Variants in LMBRD1 observed in about 807,000 individuals in gnomAD.
LMBRD1 encodes LMBR1 domain containing 1.
Under a neutral mutation model 74.8 loss-of-function variants are expected in LMBRD1, and 64 were observed. The ratio of observed to expected loss-of-function variants is 0.86; its 90% CI spans 0.70 to 1.05. The LOEUF (loss-of-function observed/expected upper bound fraction) is 1.05. LMBRD1 is among the 50% of genes least tolerant of loss of function. The pLI, the probability that LMBRD1 is intolerant of heterozygous loss-of-function variation, is 0.00. For missense variants in LMBRD1, 652 were observed against 645.9 expected, an observed-to-expected ratio of 1.01 and a Z score of -0.10; for synonymous variants, 204 against 216.3, an observed-to-expected ratio of 0.94 and a Z score of 0.50.
At chr6:69,719,205 A>ACTCCC (rs1318869856) in intron 7 of LMBRD1, 124 bp from the exon 8 acceptor site, 1 of 832,632 alleles carries the variant, frequency 1.2e-6, no homozygotes, top group Non-Finnish European at 1.9e-6. Flanking sequence ...CAGTCACTGA[A>ACTCCC]AACATGGTAT....
intron 3 of LMBRD1, among the ~76,000 whole-genome samples, chr6:69,770,159 TG>T (rs1378265615): frequency 6.6e-6 from 1 of 152,148 alleles, no homozygotes; most frequent in African/African-American, 2.4e-5. Context: ...TCCGCTCACC[TG>T]ACTCCAAGAT....
At chr6:69,770,804 A>G (rs1022563930) in intron 3 of LMBRD1, among the ~76,000 whole-genome samples, 1 of 152,186 alleles carries the variant, frequency 6.6e-6, no homozygotes, top group African/African-American at 2.4e-5. Flanking sequence ...AATGCATCAG[A>G]ATGTAATTAA....
chr6:69,784,232 G>C (rs1765896995), intron 2 of LMBRD1, among the ~76,000 whole-genome samples: 1 of 152,172 alleles, frequency 6.6e-6, no homozygotes, highest in Admixed American at 6.6e-5. Context: ...AAAAGAATGT[G>C]AGACAATCAA....
At chr6:69,727,743 T>A (rs2149862235) in intron 7 of LMBRD1, among the ~76,000 whole-genome samples, 1 of 152,138 alleles carries the variant, frequency 6.6e-6, no homozygotes, top group African/African-American at 2.4e-5. Flanking sequence ...AAATTATATA[T>A]CCTCAAAACA....
chr6:69,707,851 A>G (rs1376992293), intron 9 of LMBRD1, among the ~76,000 whole-genome samples: 1 of 152,162 alleles, frequency 6.6e-6, no homozygotes, highest in African/African-American at 2.4e-5. Context: ...TAATAAATAC[A>G]TTGTTTCCAT....
At chr6:69,745,752 A>AGCATGGAGTGCT (rs1767211942) in intron 5 of LMBRD1, 1 of 152,292 alleles carries the variant, frequency 6.6e-6, no homozygotes, top group Non-Finnish European at 1.5e-5. Flanking sequence ...CCTCCCAGTT[A>AGCATGGAGTGCT]ATATATTTTA....
chr6:69,700,567 G>A (rs1205948903), intron 12 of LMBRD1, among the ~76,000 whole-genome samples, 198 bp downstream of exon 12: 2 of 151,612 alleles, frequency 1.3e-5, no homozygotes, highest in Non-Finnish European at 3.0e-5. Flanking sequence ...TGTTTCCGGG[G>A]GGCAAAATCA....
intron 7 of LMBRD1, among the ~76,000 whole-genome samples, chr6:69,725,977 A>C (rs1323296245): frequency 6.6e-6 from 1 of 152,202 alleles, no homozygotes; most frequent in Non-Finnish European, 1.5e-5. Flanking sequence ...AATATTTGCA[A>C]ACTACCATAT....
intron 2 of LMBRD1, among the ~76,000 whole-genome samples, chr6:69,785,613 A>T (rs1346694638): frequency 6.6e-6 from 1 of 152,032 alleles, no homozygotes; most frequent in Non-Finnish European, 1.5e-5. Flanking sequence ...GTCCCCCTAT[A>T]TCTAATCTAT....
chr6:69,698,307 A>G (rs985936279), intron 13 of LMBRD1, among the ~76,000 whole-genome samples: 21 of 152,044 alleles, frequency 1.4e-4, no homozygotes, highest in African/African-American at 4.8e-4. Flanking sequence ...TAAAGAAAGA[A>G]TGAAGGAAGA....
intron 3 of LMBRD1, among the ~76,000 whole-genome samples, chr6:69,768,782 G>A (rs934636472): frequency 6.6e-6 from 1 of 151,830 alleles, no homozygotes; most frequent in Admixed American, 6.6e-5. Context: ...AATTTTCTCA[G>A]GTTTTATCTT....
chr6:69,690,707 G>T (rs2149839087), intron 14 of LMBRD1, among the ~76,000 whole-genome samples: 1 of 152,118 alleles, frequency 6.6e-6, no homozygotes, highest in African/African-American at 2.4e-5. Context: ...ATTATTTATT[G>T]CATGCCGTTA....
chr6:69,719,181 G>A, intron 7 of LMBRD1, 100 bp from the exon 8 acceptor site: 6 of 1,095,132 alleles, frequency 5.5e-6, no homozygotes, highest in Non-Finnish European at 8.0e-6. Context: ...AGAGTCAGCA[G>A]TTGTGAAAGA....
At chr6:69,708,046 A>G (rs566141803) in intron 9 of LMBRD1, among the ~76,000 whole-genome samples, 33 of 152,334 alleles carry the variant, frequency 2.2e-4, no homozygotes, top group African/African-American at 7.7e-4. Flanking sequence ...AATTTTGTGT[A>G]TAAGCATAAG....
chr6:69,751,110 T>C (rs182227977), intron 4 of LMBRD1, among the ~76,000 whole-genome samples: 1 of 152,266 alleles, frequency 6.6e-6, no homozygotes, highest in East Asian at 1.9e-4. Flanking sequence ...TTCTTTGACC[T>C]ATTAATTACT....
chr6:69,704,907 G>GGT (rs1554232080), intron 9 of LMBRD1, among the ~76,000 whole-genome samples: 1 of 137,310 alleles, frequency 7.3e-6, no homozygotes, highest in African/African-American at 2.7e-5. Flanking sequence ...TTGGACATTT[G>GGT]TTTTTTTTTT....
chr6:69,784,787 C>T (rs1765911763), intron 2 of LMBRD1, among the ~76,000 whole-genome samples: 2 of 152,210 alleles, frequency 1.3e-5, no homozygotes, highest in East Asian at 1.9e-4. Flanking sequence ...TTCACTTTCA[C>T]TCACCCTTCT....
At chr6:69,687,618 T>C (rs1582046621) in intron 14 of LMBRD1, among the ~76,000 whole-genome samples, 1 of 152,180 alleles carries the variant, frequency 6.6e-6, no homozygotes, top group Non-Finnish European at 1.5e-5. Context: ...CTTCTCCGTA[T>C]TACTAAAGAA....
chr6:69,789,252 C>T (rs963583299), intron 2 of LMBRD1, among the ~76,000 whole-genome samples: 4 of 152,102 alleles, frequency 2.6e-5, no homozygotes, highest in South Asian at 4.2e-4. Context: ...GACCAGGGAT[C>T]GTGGCTCATG....
Sources: gnomAD v4.1 joint callset for allele counts (sites outside exome capture counted in the v4.1 genomes callset) on GRCh38, gnomAD v4.1.1 for gene constraint, MANE v1.5 for transcripts, NCBI Gene and HGNC (gene_info 2026-07-23, HGNC 2026-07-21) for gene names.